GASK1A: variants seen among roughly 807,000 people sequenced by gnomAD.
The protein encoded by GASK1A is golgi associated kinase 1A, also known as Golgi-associated kinase 1A.
GASK1A carries 40 observed loss-of-function variants against 41.2 expected under a neutral mutation model. The observed-to-expected ratio is 0.97, with a 90% CI of 0.75 to 1.27. GASK1A has a LOEUF of 1.27. Ranked by LOEUF, GASK1A falls within the 50% of genes most tolerant of loss-of-function variation. The probability of loss-of-function intolerance (pLI) is 0.00; values close to 1 mark genes in which losing one functional copy is unlikely to be tolerated. For missense variants in GASK1A, 678 were observed against 745.1 expected, an observed-to-expected ratio of 0.91 and a Z score of 1.05; for synonymous variants, 316 against 307.1, an observed-to-expected ratio of 1.03 and a Z score of -0.30.
chr3:42,979,549 C>G lies in GASK1A; in HGVS notation c.-94C>G. 8.2e-7 allele frequency: 1 copy of G among 1,212,344 alleles called. No individual in the cohort carries two copies. The highest frequency in any genetic ancestry group is 3.2e-5 in the East Asian group (1 of 31,564). The allele number at this position is 1,212,344 out of a possible 1,614,324, so 75.1% of individuals were successfully genotyped here. A position where few individuals can be genotyped will look rare whatever the true frequency, so the allele number is the denominator to read the frequency against. On this transcript the variant is annotated 5_prime_UTR_variant, in exon 1 of 5. Transcript: ENST00000430121. ...TAGCCGCGCATCCTGGGAAGCCTGG[C>G]GAGCCACGGCGCCGGGGGCGGCCAA...
intron 1 of GASK1A, among the ~76,000 whole-genome samples, chr3:43,015,290 G>A (rs567901072): frequency 4.0e-4 from 61 of 151,806 alleles, no homozygotes; most frequent in Admixed American, 1.2e-3. Context: ...GCCACAGGAA[G>A]GGGCTGTGTG....
At chr3:43,017,389 GGAAGTCATGGGAAGGGGCAGTGT>G (rs1420513685) in intron 1 of GASK1A, among the ~76,000 whole-genome samples, 10 of 139,384 alleles carry the variant, frequency 7.2e-5, no homozygotes, top group Non-Finnish European at 1.5e-4. Context: ...AGGGGCAGTG[GGAAGTCATGGGAAGGGGCAGTGT>G]GAAGTCATAG....
chr3:42,993,023 C>G (rs560411207), intron 1 of GASK1A, among the ~76,000 whole-genome samples: 14 of 152,340 alleles, frequency 9.2e-5, no homozygotes, highest in African/African-American at 3.1e-4. Context: ...TTGGCGAACA[C>G]TCAGCCATTG....
At chr3:43,002,212 A>T (rs1041680048) in intron 1 of GASK1A, among the ~76,000 whole-genome samples, 1 of 152,186 alleles carries the variant, frequency 6.6e-6, no homozygotes, top group Non-Finnish European at 1.5e-5. Flanking sequence ...TGAGTACGTG[A>T]CATAATTTTC....
chr3:43,011,992 C>T (rs1428509432), intron 1 of GASK1A, among the ~76,000 whole-genome samples: 1 of 150,856 alleles, frequency 6.6e-6, no homozygotes, highest in African/African-American at 2.4e-5. Flanking sequence ...AATAAAGGGG[C>T]TGTGTGAAGT....
intron 1 of GASK1A, among the ~76,000 whole-genome samples, chr3:42,993,857 CATAACAACACA>C (rs1356886374): frequency 6.6e-6 from 1 of 152,182 alleles, no homozygotes; most frequent in Admixed American, 6.5e-5. Context: ...GTCATTGTAG[CATAACAACACA>C]ATAACAACAA....
In GASK1A at chr3:43,033,389, C is replaced by A. The variant is rs1278685476; in HGVS notation, c.1126C>A (p.Gln376Lys). 6.4e-7 allele frequency: 1 copy of A among 1,551,578 alleles called. No individual in the cohort carries two copies. The highest frequency in any genetic ancestry group is 1.2e-5 in the South Asian group (1 of 84,066). Residue 376 changes from glutamine (Q) to lysine (K), a missense_variant, in exon 2 of 5, where the codon CAG (glutamine) becomes AAG (lysine). Gln to Lys is a moderately conservative substitution (Grantham distance 53). Transcript: ENST00000430121. ...TGTCATCTGGTGGGCACCCGATGTG[C>A]AGCACCTGAGCGACCCAGATGAGGA... ...RPVIWWAPDV[Q>K]HLSDPDEDQN...
At chr3:43,012,126 A>G (rs1022317694) in intron 1 of GASK1A, among the ~76,000 whole-genome samples, 3 of 150,358 alleles carry the variant, frequency 2.0e-5, no homozygotes, top group African/African-American at 7.4e-5. Context: ...AGGAAGGAGC[A>G]GTGGGAAGTC....
chr3:43,003,221 G>A (rs539569294), intron 1 of GASK1A, among the ~76,000 whole-genome samples: 1 of 152,110 alleles, frequency 6.6e-6, no homozygotes, highest in South Asian at 2.1e-4. Flanking sequence ...GAGGCCAGAC[G>A]CAGTGGCTCA....
At chr3:43,039,158 T>A (rs2089621283) in intron 2 of GASK1A, among the ~76,000 whole-genome samples, 1 of 151,842 alleles carries the variant, frequency 6.6e-6, no homozygotes, top group Admixed American at 6.6e-5. Context: ...AAACATCTAT[T>A]TTTCTTGCTA....
chr3:43,004,096 G>C (rs1229802516), intron 1 of GASK1A, among the ~76,000 whole-genome samples: 1 of 152,212 alleles, frequency 6.6e-6, no homozygotes, highest in East Asian at 1.9e-4. Context: ...CTGCCTCATG[G>C]TTGGAGAACT....
chr3:43,028,942 G>A (rs1358935250), intron 1 of GASK1A, among the ~76,000 whole-genome samples: 3 of 152,024 alleles, frequency 2.0e-5, no homozygotes, highest in Non-Finnish European at 4.4e-5. Flanking sequence ...GTCCAAGCAG[G>A]GCTTTGTGGC....
chr3:43,023,852 A>ACT (rs2089533313), intron 1 of GASK1A, among the ~76,000 whole-genome samples: 1 of 152,104 alleles, frequency 6.6e-6, no homozygotes, highest in Admixed American at 6.6e-5. Context: ...TTACCCACTG[A>ACT]CTTTTGTCCC....
chr3:43,033,393 A>C lies in GASK1A; in HGVS notation c.1130A>C (p.His377Pro). 6.4e-7 allele frequency: 1 copy of C among 1,551,550 alleles called. No homozygotes were observed. The highest frequency in any genetic ancestry group is 8.7e-7 in the Non-Finnish European group (1 of 1,146,976). ...PVIWWAPDVQHLSDPDEDQNS... is the reference protein window; with the variant it reads ...PVIWWAPDVQPLSDPDEDQNS... ...ATCTGGTGGGCACCCGATGTGCAGC[A>C]CCTGAGCGACCCAGATGAGGATCAG... Residue 377 changes from histidine to proline, a missense_variant, in exon 2 of 5, where the codon CAC (histidine) becomes CCC (proline). Physicochemically the swap from His to Pro is moderately conservative, Grantham distance 77. Coordinates refer to ENST00000430121, the MANE Select transcript of GASK1A (RefSeq NM_001129908.3).
intron 2 of GASK1A, 128 bp downstream of exon 2, chr3:43,033,681 C>T (rs954465245): frequency 4.8e-6 from 4 of 832,172 alleles, no homozygotes; most frequent in Non-Finnish European, 7.0e-6. Flanking sequence ...GACCACCAAG[C>T]ACCTGCTTTT....
chr3:42,988,614 T>TGGTGCTGAGCCAGGCA (rs1313487652), intron 1 of GASK1A, among the ~76,000 whole-genome samples: 2 of 152,210 alleles, frequency 1.3e-5, no homozygotes, highest in Non-Finnish European at 2.9e-5. Flanking sequence ...CGTCTAGGCA[T>TGGTGCTGAGCCAGGCA]GGTGCTGAGC....
At chr3:43,031,762 T>C (rs1321800268) in intron 1 of GASK1A, among the ~76,000 whole-genome samples, 2 of 152,202 alleles carry the variant, frequency 1.3e-5, no homozygotes, top group African/African-American at 4.8e-5. Context: ...AGGGACTTGG[T>C]CACATGGTCA....
chr3:42,980,805 T>C lies in GASK1A; in HGVS notation c.3+1160T>C, dbSNP rs1017216246. On this transcript the variant is annotated intron_variant, in intron 1 of 4. Transcript: ENST00000430121. ...TCTCAAAGCTGCTAAGAGAAGGAAA[T>C]AGTGGAATCTTAAGCTTCAAAAGGG... 8.5e-5 allele frequency among the ~76,000 whole-genome samples: 13 copies of C among 152,122 alleles called. No individual in the cohort carries two copies. The East Asian group carries it at 2.5e-3, about 29-fold the overall frequency.
Position 43,044,930 on chromosome 3 carries a change from G to A in GASK1A, c.1291-8591G>A, listed in dbSNP as rs879500927. ...CATAATGTGGGTCCAGGGGGCCAAC[G>A]CTAGTATGGAGGCTGTGAAGGCCCC... is the stretch of plus-strand genomic sequence containing the variant. On this transcript the variant is annotated intron_variant, in intron 2 of 4. Coordinates refer to ENST00000430121, the MANE Select transcript of GASK1A (RefSeq NM_001129908.3). Among the ~76,000 whole-genome samples, 6 of 152,110 alleles carry A rather than the reference G, an allele frequency of 3.9e-5. 1 individual carries two copies. The highest frequency in any genetic ancestry group is 1.3e-4 in the Admixed American group (2 of 15,272).
Sources: allele counts gnomAD v4.1 joint callset (sites outside exome capture counted in the v4.1 genomes callset), GRCh38; gene constraint gnomAD v4.1.1; transcripts MANE v1.5; gene names NCBI Gene and HGNC (gene_info 2026-07-23, HGNC 2026-07-21).